Variants in SPOCK3 observed in about 807,000 individuals in gnomAD.
The protein encoded by SPOCK3 is SPARC (osteonectin), cwcv and kazal like domains proteoglycan 3, also known as testican-3.
A neutral mutation model predicts 56.6 loss-of-function variants in SPOCK3; 30 were observed. The ratio of observed to expected loss-of-function variants is 0.53; its 90% CI spans 0.40 to 0.72. SPOCK3 has a LOEUF of 0.72. SPOCK3 is among the 30% of genes least tolerant of loss of function. SPOCK3 has a pLI of 0.00. For missense variants in SPOCK3, 527 were observed against 530.0 expected (o/e 0.99, Z 0.06); for synonymous variants, 196 against 183.3 (o/e 1.07, Z -0.56).
chr4:167,004,077 C>A (rs916709543), intron 3 of SPOCK3, among the ~76,000 whole-genome samples: 2 of 152,110 alleles, frequency 1.3e-5, no homozygotes, highest in African/African-American at 4.8e-5. Flanking sequence ...AGATATCGTA[C>A]AAGAATTGTA....
intron 4 of SPOCK3, among the ~76,000 whole-genome samples, chr4:166,982,179 G>A (rs931411844): frequency 6.6e-6 from 1 of 152,140 alleles, no homozygotes; most frequent in Admixed American, 6.5e-5. Context: ...TGTGACCCCA[G>A]CCATGCCTCC....
intron 7 of SPOCK3, among the ~76,000 whole-genome samples, chr4:166,788,501 T>C (rs1007536396): frequency 3.9e-5 from 6 of 151,974 alleles, no homozygotes; most frequent in African/African-American, 7.2e-5. Flanking sequence ...GTATATACTT[T>C]GCTCTGTTAA....
chr4:166,888,867 T>C (rs1485050154), intron 6 of SPOCK3, among the ~76,000 whole-genome samples: 1 of 151,952 alleles, frequency 6.6e-6, no homozygotes, highest in Non-Finnish European at 1.5e-5. Context: ...ATAGAATGCA[T>C]TGGTTTAGAT....
At chr4:166,740,333 T>A (rs1734698814) in intron 9 of SPOCK3, among the ~76,000 whole-genome samples, 1 of 54,962 alleles carries the variant, frequency 1.8e-5, no homozygotes, top group South Asian at 6.7e-4. Context: ...AAATGGGAAC[T>A]AAGTATTTTT....
Position 166,992,115 on chromosome 4 carries a change from G to A in SPOCK3, c.350+8234C>T, listed in dbSNP as rs185487034. Among the ~76,000 whole-genome samples, 14 of 152,104 alleles carry A rather than the reference G, an allele frequency of 9.2e-5. No individual in the cohort carries two copies. In the East Asian group the frequency reaches 2.7e-3, roughly 29 times the overall value. ...TTCAAAACATGTTATGTTAAAACAA[G>A]GCACAAAAATATATATTAAAATATT... On this transcript the variant is annotated intron_variant, in intron 4 of 10. Transcript: ENST00000357545.
intron 6 of SPOCK3, among the ~76,000 whole-genome samples, chr4:166,862,605 T>C (rs1704336129): frequency 6.6e-6 from 1 of 152,126 alleles, no homozygotes; most frequent in African/African-American, 2.4e-5. Flanking sequence ...GGAAAATGAC[T>C]TAATCTTCCT....
chr4:166,744,869 G>A (rs547715042), intron 8 of SPOCK3, among the ~76,000 whole-genome samples: 44 of 152,204 alleles, frequency 2.9e-4, no homozygotes, highest in Admixed American at 2.2e-3. Flanking sequence ...ATTCGATCAA[G>A]TGGAAGAAAG....
chr4:167,173,684 G>T (rs546208885), intron 2 of SPOCK3, among the ~76,000 whole-genome samples: 2 of 152,080 alleles, frequency 1.3e-5, no homozygotes, highest in African/African-American at 2.4e-5. Context: ...CTGAGTAATG[G>T]GTACTGTGCT....
chr4:166,813,706 T>A (rs928363754), intron 6 of SPOCK3, among the ~76,000 whole-genome samples: 6 of 151,882 alleles, frequency 4.0e-5, no homozygotes, highest in Non-Finnish European at 7.4e-5. Context: ...TTCAGTAAGT[T>A]TATGGAAATT....
At position 167,000,341 on chromosome 4, in the gene SPOCK3, A is replaced by G. The variant is rs374065369; in HGVS notation, c.350+8T>C. On this transcript the variant is annotated splice_region_variant and intron_variant, in intron 4 of 10. Transcript: ENST00000357545. ...TCAATCAGTGGGATTAAATTTAACAATGTTTACCTGTGTGTAAGCCTCCGG... is the reference window on the plus strand; with the variant it reads ...TCAATCAGTGGGATTAAATTTAACAGTGTTTACCTGTGTGTAAGCCTCCGG... The G allele has an allele frequency of 1.4e-6, 2 of 1,422,806 alleles. No individual in the cohort carries two copies. The highest frequency in any genetic ancestry group is 1.2e-5 in the South Asian group (1 of 81,606). The allele number at this position is 1,422,806 out of a possible 1,614,324, so 88.1% of individuals were successfully genotyped here.
chr4:166,892,730 G>A (rs890435828), intron 5 of SPOCK3, among the ~76,000 whole-genome samples: 1 of 152,026 alleles, frequency 6.6e-6, no homozygotes, highest in African/African-American at 2.4e-5. Context: ...CTAAGACCCC[G>A]AGTATTGAGA....
chr4:166,771,266 A>G (rs72984023), intron 7 of SPOCK3, among the ~76,000 whole-genome samples: 4,701 of 152,038 alleles, frequency 0.031, 280 homozygotes, highest in African/African-American at 0.11. Context: ...ATCATTTAAT[A>G]TCTAACATTC....
intron 3 of SPOCK3, chr4:167,011,100 A>G (rs1750002082): frequency 4.2e-6 from 1 of 236,726 alleles, no homozygotes; most frequent in Admixed American, 4.7e-5. Flanking sequence ...GGTGAAACAG[A>G]AAAAAAAAGA....
chr4:166,820,135 T>C (rs1744776199), intron 6 of SPOCK3, among the ~76,000 whole-genome samples: 1 of 152,044 alleles, frequency 6.6e-6, no homozygotes. Context: ...GTTGACTAAT[T>C]AAAACAGTGA....
chr4:167,119,980 C>T (rs1761733738), intron 2 of SPOCK3: 2 of 639,948 alleles, frequency 3.1e-6, no homozygotes, highest in Non-Finnish European at 5.2e-6. Context: ...GGGTAAATCG[C>T]TTCCACTGAA....
intron 4 of SPOCK3, among the ~76,000 whole-genome samples, chr4:166,930,214 A>T (rs1377708804): frequency 6.6e-6 from 1 of 152,208 alleles, no homozygotes; most frequent in African/African-American, 2.4e-5. Flanking sequence ...TAATAAAATT[A>T]CAAAGAAAAC....
At chr4:167,193,155 C>A (rs1417925020) in intron 2 of SPOCK3, among the ~76,000 whole-genome samples, 1 of 145,810 alleles carries the variant, frequency 6.9e-6, no homozygotes, top group African/African-American at 2.6e-5. Context: ...ACTTACTTTG[C>A]CATTTTGTTG....
At chr4:166,837,066 C>T (rs1293599822) in intron 6 of SPOCK3, among the ~76,000 whole-genome samples, 1 of 152,190 alleles carries the variant, frequency 6.6e-6, no homozygotes, top group Non-Finnish European at 1.5e-5. Context: ...TGAATAAAGA[C>T]TGCCTCACCA....
chr4:167,018,579 C>T (rs552977836), intron 3 of SPOCK3, among the ~76,000 whole-genome samples: 10 of 152,216 alleles, frequency 6.6e-5, no homozygotes, highest in South Asian at 6.2e-4. Flanking sequence ...CTTCCTCTTC[C>T]GGCATGCTAC....
Sources: allele counts gnomAD v4.1 joint callset (sites outside exome capture counted in the v4.1 genomes callset), GRCh38; gene constraint gnomAD v4.1.1; transcripts MANE v1.5; gene names NCBI Gene and HGNC (gene_info 2026-07-23, HGNC 2026-07-21).